KMT2C: variants seen among roughly 807,000 people sequenced by gnomAD.
KMT2C encodes the protein histone-lysine N-methyltransferase 2C.
A neutral mutation model predicts 507.9 loss-of-function variants in KMT2C; 88 were observed. The ratio of observed to expected loss-of-function variants is 0.17; its 90% CI spans 0.15 to 0.21. KMT2C has a LOEUF of 0.21. Among genes scored for constraint, KMT2C ranks in the 10% least tolerant of loss-of-function variants. The probability of loss-of-function intolerance (pLI) is 1.00; values close to 1 mark genes in which losing one functional copy is unlikely to be tolerated. For missense variants in KMT2C, 4,954 were observed against 5,957.8 expected (o/e 0.83, Z 5.55); for synonymous variants, 2,049 against 2,080.8 (o/e 0.98, Z 0.42).
intron 52 of KMT2C, 142 bp from the exon 53 acceptor site, chr7:152,146,877 G>T: frequency 1.2e-6 from 1 of 801,386 alleles, no homozygotes; most frequent in Non-Finnish European, 1.9e-6. Context: ...AATCTGTTTG[G>T]TAATAATCTA....
At position 152,223,826 on chromosome 7, in the gene KMT2C, T is replaced by C. The variant is rs111320894; in HGVS notation, c.3323+189A>G. ...AATTTAAAAACAAAACAAAACAAAA[T>C]TTTAGTCCGGAGTTGAGAATTCAAA... On this transcript the variant is annotated intron_variant, in intron 20 of 58. Transcript: ENST00000262189. Among the ~76,000 whole-genome samples the C allele has an allele frequency of 3.2e-4, 48 of 152,050 alleles. 1 individual carries two copies. In the South Asian group the frequency reaches 9.8e-3, roughly 31 times the overall value.
chr7:152,158,109 T>C (rs1332419305), intron 44 of KMT2C, among the ~76,000 whole-genome samples: 1 of 152,170 alleles, frequency 6.6e-6, no homozygotes, highest in Non-Finnish European at 1.5e-5. Context: ...AAAAATAAGC[T>C]CTGTACTAAA....
intron 38 of KMT2C, among the ~76,000 whole-genome samples, chr7:152,175,129 C>T (rs142377704): frequency 1.0e-4 from 15 of 143,086 alleles, no homozygotes; most frequent in Admixed American, 2.2e-4. Context: ...TGGAAAGAAT[C>T]TAAAACTCTT....
At chr7:152,210,247 C>T (rs1454688048) in intron 23 of KMT2C, among the ~76,000 whole-genome samples, 1 of 152,156 alleles carries the variant, frequency 6.6e-6, no homozygotes, top group Non-Finnish European at 1.5e-5. Context: ...GATACGGAAA[C>T]CAGAGGGTTC....
chr7:152,183,171 G>A lies in KMT2C; in HGVS notation c.5083-15C>T, dbSNP rs766086585. 6 of 1,497,538 alleles carry A rather than the reference G, an allele frequency of 4.0e-6. No homozygotes were observed. Among genetic ancestry groups the A allele is most frequent in the Admixed American group, 2.4e-5 (1 of 41,174 alleles). 92.8% of individuals were successfully genotyped at this position (1,497,538 alleles called of 1,614,324 possible). A position where few individuals can be genotyped will look rare whatever the true frequency, so the allele number is the denominator to read the frequency against. On this transcript the variant is annotated splice_polypyrimidine_tract_variant and intron_variant, in intron 34 of 58. Transcript: ENST00000262189. Reference sequence around the variant, plus strand: ...CTGGCTTTTTGCTTTGACAAAAGAAGAGAAAAAAATTTCCCAGATTATGTT... The same window carrying A: ...CTGGCTTTTTGCTTTGACAAAAGAAAAGAAAAAAATTTCCCAGATTATGTT...
At chr7:152,395,282 TCAAGTAATCCTC>T (rs1374723583) in intron 1 of KMT2C, among the ~76,000 whole-genome samples, 1 of 151,884 alleles carries the variant, frequency 6.6e-6, no homozygotes, top group East Asian at 1.9e-4. Flanking sequence ...CCTTTTGGGC[TCAAGTAATCCTC>T]CCATCTCGAC....
chr7:152,221,284 T>A (rs2094761580), intron 22 of KMT2C, among the ~76,000 whole-genome samples: 1 of 152,114 alleles, frequency 6.6e-6, no homozygotes, highest in Non-Finnish European at 1.5e-5. Context: ...ATTTCTATTT[T>A]CATGTCCCAA....
chr7:152,233,263 C>T (rs750380122), intron 16 of KMT2C, among the ~76,000 whole-genome samples: 13 of 152,096 alleles, frequency 8.5e-5, no homozygotes, highest in Middle Eastern at 3.2e-3. Context: ...AAAAATAAAA[C>T]CTACCTTGAG....
intron 6 of KMT2C, among the ~76,000 whole-genome samples, chr7:152,288,016 C>G (rs71541748): frequency 9.3e-6 from 1 of 106,978 alleles, no homozygotes. Context: ...GAGCAAGAGT[C>G]TGCCTCAAAA....
At chr7:152,137,968 A>T (rs2090071515) in intron 58 of KMT2C, 1 of 152,238 alleles carries the variant, frequency 6.6e-6, no homozygotes, top group Non-Finnish European at 1.5e-5. Flanking sequence ...TACAGATAGA[A>T]TCCCACGAAT....
intron 1 of KMT2C, among the ~76,000 whole-genome samples, chr7:152,391,467 C>G (rs965165928): frequency 1.3e-5 from 2 of 151,152 alleles, no homozygotes; most frequent in East Asian, 3.9e-4. Flanking sequence ...GTCTTGAACT[C>G]CTGACCTTAG....
intron 5 of KMT2C, among the ~76,000 whole-genome samples, chr7:152,310,354 T>C (rs2096659843): frequency 6.6e-6 from 1 of 152,134 alleles, no homozygotes; most frequent in South Asian, 2.1e-4. Flanking sequence ...CGCTGGTGGA[T>C]CTTTTGAGGC....
Position 152,163,212 on chromosome 7 carries a change from A to G in KMT2C, c.10365T>C (p.Ser3455=). 1 of 1,614,166 alleles carries G rather than the reference A, an allele frequency of 6.2e-7. No individual in the cohort carries two copies. The highest frequency in any genetic ancestry group is 8.5e-7 in the Non-Finnish European group (1 of 1,180,026). The change falls in exon 43 of 59, where the codon AGT becomes AGC. Residue 3455 remains serine, a synonymous_variant. Transcript: ENST00000262189. ...GCATAAAATCACAAGGTAAGTCGGA[A>G]CTGTAGAAGGGAATCTGGGACACAG... The part of the protein sequence containing the change: ...RTSVSQIPFY[S]SDLPCDFMQP...
intron 52 of KMT2C, among the ~76,000 whole-genome samples, chr7:152,147,583 T>C (rs921498367): frequency 6.6e-6 from 1 of 151,552 alleles, no homozygotes; most frequent in Non-Finnish European, 1.5e-5. Flanking sequence ...AGCGCAAGCC[T>C]GTAATCCCAG....
intron 56 of KMT2C, 24 bp downstream of exon 56, chr7:152,139,651 C>T: frequency 2.7e-6 from 4 of 1,474,858 alleles, no homozygotes; most frequent in Non-Finnish European, 3.8e-6. Context: ...GCTGTGTATA[C>T]AATCTCGGGG....
intron 1 of KMT2C, among the ~76,000 whole-genome samples, chr7:152,377,010 C>T (rs2097333511): frequency 6.9e-6 from 1 of 145,298 alleles, no homozygotes; most frequent in Non-Finnish European, 1.5e-5. Flanking sequence ...CAAGGCGAGA[C>T]TCTTGTCTCT....
At chr7:152,338,858 G>A (rs993844154) in intron 2 of KMT2C, among the ~76,000 whole-genome samples, 1 of 152,108 alleles carries the variant, frequency 6.6e-6, no homozygotes, top group Non-Finnish European at 1.5e-5. Flanking sequence ...GTTACTGAGG[G>A]ATCACTTACT....
chr7:152,355,073 T>C (rs1471850005), intron 2 of KMT2C, among the ~76,000 whole-genome samples: 4 of 152,188 alleles, frequency 2.6e-5, no homozygotes, highest in African/African-American at 4.8e-5. Context: ...GTCAAAGTAA[T>C]TGAATCCAGG....
rs560299692 is a variant in KMT2C at position 152,368,550 on chromosome 7, A to G, written c.162-9875T>C. On this transcript the variant is annotated intron_variant, in intron 1 of 58. Coordinates refer to ENST00000262189, the MANE Select transcript of KMT2C (RefSeq NM_170606.3). The stretch of plus-strand genomic sequence containing the variant: ...CACAGCACAAAGAATTAGAGGAAAA[A>G]CGTCGTCAGTTTGAGGATGAGAAGG... The G allele has an allele frequency of 2.9e-6, 4 of 1,381,234 alleles. No individual in the cohort carries two copies. In the South Asian group the frequency reaches 4.9e-5, roughly 17 times the overall value. 85.6% of individuals were successfully genotyped at this position (1,381,234 alleles called of 1,614,324 possible). A position where few individuals can be genotyped will look rare whatever the true frequency, so the allele number is the denominator to read the frequency against.
Sources: gnomAD v4.1 joint callset for allele counts (sites outside exome capture counted in the v4.1 genomes callset) on GRCh38, gnomAD v4.1.1 for gene constraint, MANE v1.5 for transcripts, NCBI Gene and HGNC (gene_info 2026-07-23, HGNC 2026-07-21) for gene names.